The following XIRP2 variants were observed in gnomAD, a reference collection of about 807,000 sequenced individuals.
XIRP2 encodes xin actin binding repeat containing 2, also known as xin actin-binding repeat-containing protein 2.
Under a neutral mutation model 277.0 loss-of-function variants are expected in XIRP2, and 236 were observed. The observed-to-expected ratio is 0.85, with a 90% CI of 0.77 to 0.95. The LOEUF (loss-of-function observed/expected upper bound fraction) is 0.95, where lower values mean the gene tolerates loss of function less well. Among genes scored for constraint, XIRP2 ranks in the 40% least tolerant of loss-of-function variants. XIRP2 has a pLI of 0.00. For synonymous variants in XIRP2, 1,490 were observed against 1,416.5 expected (o/e 1.05, Z -1.17); for missense variants, 4,640 against 4,157.5 (o/e 1.12, Z -3.19).
At chr2:167,187,791 T>C (rs1693201694) in intron 3 of XIRP2, among the ~76,000 whole-genome samples, 1 of 152,118 alleles carries the variant, frequency 6.6e-6, no homozygotes, top group African/African-American at 2.4e-5. Flanking sequence ...TGATAAACAG[T>C]CATGAGTTAA....
At chr2:167,021,562 T>C (rs1477083838) in intron 2 of XIRP2, among the ~76,000 whole-genome samples, 1 of 152,044 alleles carries the variant, frequency 6.6e-6, no homozygotes, top group Non-Finnish European at 1.5e-5. Context: ...CTTTAAAAGA[T>C]TTACAGCTAT....
chr2:167,024,867 T>G (rs1250450247), intron 2 of XIRP2, among the ~76,000 whole-genome samples: 2 of 152,228 alleles, frequency 1.3e-5, no homozygotes, highest in Non-Finnish European at 2.9e-5. Flanking sequence ...AGTATTTTAT[T>G]GAGGATTTTT....
At chr2:166,951,620 A>G (rs1397724696) in intron 2 of XIRP2, among the ~76,000 whole-genome samples, 1 of 152,012 alleles carries the variant, frequency 6.6e-6, no homozygotes, top group East Asian at 1.9e-4. Context: ...TCATGCATTG[A>G]ATATTTTTTT....
At chr2:167,011,325 A>G (rs1475805374) in intron 2 of XIRP2, among the ~76,000 whole-genome samples, 2 of 151,842 alleles carry the variant, frequency 1.3e-5, no homozygotes, top group East Asian at 3.9e-4. Context: ...ATCTATTGAG[A>G]TAATAATGTG....
In XIRP2 at chr2:166,893,550, A is replaced by G. The variant is rs534641887; in HGVS notation, c.-19+4993A>G. On this transcript the variant is annotated intron_variant, in intron 1 of 10. Coordinates refer to ENST00000409195, the MANE Select transcript of XIRP2 (RefSeq NM_152381.6). Reference sequence around the variant, plus strand: ...CATTTCATTGTGTGGCCAGACCATCATTTAGTAAAACATCCCCCTCACTTT... The same window carrying G: ...CATTTCATTGTGTGGCCAGACCATCGTTTAGTAAAACATCCCCCTCACTTT... Among the ~76,000 whole-genome samples, 5 of 152,240 alleles carry G rather than the reference A, an allele frequency of 3.3e-5. No homozygotes were observed. In the East Asian group the frequency reaches 9.7e-4, roughly 29 times the overall value.
intron 2 of XIRP2, among the ~76,000 whole-genome samples, chr2:167,091,576 C>A (rs1187946082): frequency 6.6e-6 from 1 of 151,896 alleles, no homozygotes; most frequent in Admixed American, 6.6e-5. Flanking sequence ...TTAGCCTTTT[C>A]TTCTTATTTT....
intron 3 of XIRP2, among the ~76,000 whole-genome samples, chr2:167,189,062 T>C (rs1390829368): frequency 1.3e-5 from 2 of 152,226 alleles, no homozygotes; most frequent in Admixed American, 1.3e-4. Flanking sequence ...TTGTTCACAG[T>C]TGATAGCTTC....
chr2:167,032,993 A>G (rs573166407), intron 2 of XIRP2, among the ~76,000 whole-genome samples: 1 of 152,280 alleles, frequency 6.6e-6, no homozygotes, highest in South Asian at 2.1e-4. Context: ...ACACATGCAC[A>G]CATGTGTTTA....
At chr2:166,898,192 A>C (rs1372191615) in intron 1 of XIRP2, among the ~76,000 whole-genome samples, 2 of 152,158 alleles carry the variant, frequency 1.3e-5, no homozygotes, top group African/African-American at 4.8e-5. Context: ...ATGTCCCTCC[A>C]GTGTTTGCTG....
chr2:167,244,534 C>G lies in XIRP2; in HGVS notation c.3142C>G (p.Gln1048Glu). ...TAGAGGAATATCTGCTCAAGAAATA[C>G]AGACTGGAAATGTGAAATCTGCCAA... ...IIRGISAQEI[Q>E]TGNVKSAKWL... The change falls in exon 9 of 11, where the codon CAG becomes GAG. Residue 1048 changes from glutamine to glutamate, a missense_variant. Transcript: ENST00000409195. 6.2e-7 allele frequency: 1 copy of G among 1,613,356 alleles called. No homozygotes were observed. The highest frequency in any genetic ancestry group is 1.7e-5 in the Admixed American group (1 of 59,896).
chr2:166,969,496 G>GT (rs1686517662), intron 2 of XIRP2, among the ~76,000 whole-genome samples: 1 of 151,526 alleles, frequency 6.6e-6, no homozygotes, highest in Admixed American at 6.6e-5. Flanking sequence ...ATCCTGCTGG[G>GT]TTTTTTAATA....
At chr2:166,891,424 T>A (rs950291239) in intron 1 of XIRP2, among the ~76,000 whole-genome samples, 5 of 152,160 alleles carry the variant, frequency 3.3e-5, no homozygotes, top group Non-Finnish European at 5.9e-5. Flanking sequence ...GGCAGAAAAA[T>A]TAATTGTTCT....
At position 166,988,473 on chromosome 2, in the gene XIRP2, G is replaced by A. The variant is rs1032826609; in HGVS notation, c.408+84583G>A. On this transcript the variant is annotated intron_variant, in intron 2 of 10. Transcript: ENST00000409195. ...TTTAGTTGGAGGAGCCAAGATGGCC[G>A]AATAGGAACAGCTCCGGTCTACAGC... 5.3e-5 allele frequency among the ~76,000 whole-genome samples: 8 copies of A among 150,456 alleles called. 1 individual carries two copies. Among genetic ancestry groups the A allele is most frequent in the African/African-American group, 1.7e-4 (7 of 40,678 alleles).
chr2:167,059,534 G>T (rs186528370), intron 2 of XIRP2, among the ~76,000 whole-genome samples: 1 of 150,494 alleles, frequency 6.6e-6, no homozygotes, highest in East Asian at 1.9e-4. Flanking sequence ...CTCTGCAAAA[G>T]AGCAATCATT....
intron 2 of XIRP2, among the ~76,000 whole-genome samples, chr2:166,914,572 C>T (rs1684811407): frequency 6.6e-6 from 1 of 152,074 alleles, no homozygotes; most frequent in Admixed American, 6.5e-5. Context: ...GATCTCCTGA[C>T]CTCGAGTGAT....
intron 2 of XIRP2, among the ~76,000 whole-genome samples, chr2:166,933,668 A>G (rs1407741065): frequency 6.6e-6 from 1 of 151,880 alleles, no homozygotes; most frequent in African/African-American, 2.4e-5. Context: ...GATTAACAAA[A>G]TAATTCTATA....
At chr2:167,218,577 G>C (rs1694327425) in intron 5 of XIRP2, among the ~76,000 whole-genome samples, 1 of 152,136 alleles carries the variant, frequency 6.6e-6, no homozygotes. Context: ...AAATAGTCTA[G>C]GTTAGACAAC....
intron 9 of XIRP2, among the ~76,000 whole-genome samples, chr2:167,252,690 A>G (rs145650928): frequency 2.0e-5 from 3 of 152,110 alleles, no homozygotes; most frequent in African/African-American, 7.2e-5. Flanking sequence ...ATCAAAGAAC[A>G]GCTCATTTCC....
At chr2:167,222,561 T>A (rs1005503313) in intron 5 of XIRP2, among the ~76,000 whole-genome samples, 13 of 152,282 alleles carry the variant, frequency 8.5e-5, no homozygotes, top group African/African-American at 3.1e-4. Flanking sequence ...CCTGTTTTTG[T>A]TTTAGGATTG....
Sources: allele counts gnomAD v4.1 joint callset (sites outside exome capture counted in the v4.1 genomes callset), GRCh38; gene constraint gnomAD v4.1.1; transcripts MANE v1.5; gene names NCBI Gene and HGNC (gene_info 2026-07-23, HGNC 2026-07-21).